SPAG16: variants seen among roughly 807,000 people sequenced by gnomAD.
SPAG16 encodes sperm associated antigen 16, also known as sperm-associated antigen 16 protein.
A neutral mutation model predicts 80.4 loss-of-function variants in SPAG16; 86 were observed. That is an observed-to-expected ratio of 1.07 (90% CI 0.90 to 1.28). The LOEUF (loss-of-function observed/expected upper bound fraction) is 1.28, where lower values mean the gene tolerates loss of function less well. Ranked by LOEUF, SPAG16 falls within the 50% of genes most tolerant of loss-of-function variation. SPAG16 has a pLI of 0.00. For missense variants in SPAG16, 870 were observed against 765.3 expected, an observed-to-expected ratio of 1.14 and a Z score of -1.61; for synonymous variants, 294 against 265.9, an observed-to-expected ratio of 1.11 and a Z score of -1.03.
intron 15 of SPAG16, among the ~76,000 whole-genome samples, chr2:214,371,082 G>A (rs7568984): frequency 4.1e-4 from 63 of 152,232 alleles, no homozygotes; most frequent in African/African-American, 1.5e-3. Context: ...CAGAGATTAA[G>A]GTGGGCTATT....
intron 12 of SPAG16, among the ~76,000 whole-genome samples, chr2:213,952,919 A>G (rs1348842305): frequency 1.3e-5 from 2 of 152,104 alleles, no homozygotes; most frequent in African/African-American, 4.8e-5. Context: ...ACAAGTTTCA[A>G]TCACCAGATA....
At chr2:213,317,534 C>A in intron 5 of SPAG16, 178 bp downstream of exon 5, 1 of 1,309,978 alleles carries the variant, frequency 7.6e-7, no homozygotes, top group Non-Finnish European at 9.7e-7. Flanking sequence ...TCAGAACTAT[C>A]ACAATTATAA....
intron 15 of SPAG16, among the ~76,000 whole-genome samples, chr2:214,236,989 C>T (rs1016667620): frequency 6.6e-5 from 10 of 152,094 alleles, no homozygotes; most frequent in African/African-American, 2.4e-4. Context: ...ATCTTCTTTC[C>T]GTATCCATAA....
chr2:213,365,771 A>G (rs1559459068), intron 8 of SPAG16, among the ~76,000 whole-genome samples: 1 of 151,890 alleles, frequency 6.6e-6, no homozygotes, highest in Non-Finnish European at 1.5e-5. Context: ...AATTTTATTT[A>G]ATGTACTTCA....
intron 10 of SPAG16, among the ~76,000 whole-genome samples, chr2:213,518,252 A>G (rs1229712295): frequency 6.6e-6 from 1 of 152,196 alleles, no homozygotes; most frequent in Non-Finnish European, 1.5e-5. Flanking sequence ...ATGCAAAACC[A>G]TCGTACACCA....
intron 10 of SPAG16, among the ~76,000 whole-genome samples, chr2:213,705,146 G>A (rs893993869): frequency 6.6e-6 from 1 of 152,104 alleles, no homozygotes; most frequent in Non-Finnish European, 1.5e-5. Context: ...TACTAGGGAG[G>A]CTGAGGCAGG....
chr2:213,996,551 C>A (rs1015758828), intron 12 of SPAG16, among the ~76,000 whole-genome samples: 1 of 150,706 alleles, frequency 6.6e-6, no homozygotes. Context: ...GGAAGCTCTC[C>A]TACTAATGCT....
At chr2:213,801,612 G>A (rs926353720) in intron 10 of SPAG16, among the ~76,000 whole-genome samples, 4 of 152,122 alleles carry the variant, frequency 2.6e-5, no homozygotes, top group Admixed American at 6.6e-5. Flanking sequence ...AAAAGAGTAC[G>A]GTAAAGAAAA....
rs2074768173 is a variant in SPAG16 at position 213,848,954 on chromosome 2, T to TAA, written c.1071-13530_1071-13529dup. On this transcript the variant is annotated intron_variant, in intron 10 of 15. Coordinates refer to ENST00000331683, the MANE Select transcript of SPAG16 (RefSeq NM_024532.5). ...TGAGACTCAGATTGACATATATATATAACTTTTGTTAATTTCAATATGTGC... is the reference window on the plus strand; with the variant it reads ...TGAGACTCAGATTGACATATATATATAAAACTTTTGTTAATTTCAATATGTGC... Among the ~76,000 whole-genome samples the TAA allele has an allele frequency of 2.6e-5, 4 of 152,304 alleles. No homozygotes were observed. The South Asian group carries it at 6.2e-4, about 24-fold the overall frequency.
intron 10 of SPAG16, among the ~76,000 whole-genome samples, chr2:213,540,738 T>A (rs933680518): frequency 7.2e-5 from 11 of 152,258 alleles, no homozygotes; most frequent in Non-Finnish European, 1.5e-4. Flanking sequence ...TAGCATATAA[T>A]TATGCATTTT....
intron 15 of SPAG16, among the ~76,000 whole-genome samples, chr2:214,362,761 G>A (rs1699261007): frequency 6.6e-6 from 1 of 151,726 alleles, no homozygotes; most frequent in Admixed American, 6.6e-5. Flanking sequence ...ACTCAACATG[G>A]TACTTGATAT....
intron 5 of SPAG16, among the ~76,000 whole-genome samples, chr2:213,318,206 C>G (rs747104915): frequency 2.6e-5 from 4 of 151,924 alleles, no homozygotes; most frequent in East Asian, 1.9e-4. Context: ...CACACTCTTA[C>G]GTTTATTGCA....
chr2:214,028,155 A>G (rs1345398185), intron 13 of SPAG16, among the ~76,000 whole-genome samples: 4 of 151,958 alleles, frequency 2.6e-5, no homozygotes, highest in Non-Finnish European at 5.9e-5. Context: ...TGAACTAGCC[A>G]TGCCTTTTCC....
chr2:214,267,180 T>C (rs1195373476), intron 15 of SPAG16, among the ~76,000 whole-genome samples: 1 of 151,378 alleles, frequency 6.6e-6, no homozygotes, highest in Non-Finnish European at 1.5e-5. Flanking sequence ...AAAAAAAGAT[T>C]AAAAAGATTA....
intron 13 of SPAG16, among the ~76,000 whole-genome samples, chr2:214,103,554 G>C (rs902115272): frequency 1.3e-5 from 2 of 152,186 alleles, no homozygotes; most frequent in African/African-American, 4.8e-5. Context: ...GCATGGGAAG[G>C]ATAAGGACAT....
chr2:214,219,471 C>G (rs956586224), intron 15 of SPAG16, among the ~76,000 whole-genome samples: 3 of 152,004 alleles, frequency 2.0e-5, no homozygotes, highest in Non-Finnish European at 4.4e-5. Context: ...CTATGAAGGA[C>G]TGAATTTAAA....
At chr2:213,945,180 GTATA>G (rs1223995192) in intron 12 of SPAG16, among the ~76,000 whole-genome samples, 5 of 149,884 alleles carry the variant, frequency 3.3e-5, no homozygotes, top group African/African-American at 1.2e-4. Context: ...GTATATATAT[GTATA>G]TATATCTTTT....
chr2:213,942,287 A>G (rs1214636157), intron 12 of SPAG16, among the ~76,000 whole-genome samples: 1 of 152,168 alleles, frequency 6.6e-6, no homozygotes, highest in Non-Finnish European at 1.5e-5. Context: ...ACCTCAACTC[A>G]CAAGTTGAAT....
intron 12 of SPAG16, among the ~76,000 whole-genome samples, chr2:214,011,036 T>C (rs1259723102): frequency 6.9e-6 from 1 of 145,964 alleles, no homozygotes; most frequent in African/African-American, 2.7e-5. Context: ...TACGTGACTT[T>C]CAGCAATGCC....
Sources: allele counts gnomAD v4.1 joint callset (sites outside exome capture counted in the v4.1 genomes callset), GRCh38; gene constraint gnomAD v4.1.1; transcripts MANE v1.5; gene names NCBI Gene and HGNC (gene_info 2026-07-23, HGNC 2026-07-21).